SMC1A: variants seen among roughly 807,000 people sequenced by gnomAD.
SMC1A encodes structural maintenance of chromosomes 1A, also known as structural maintenance of chromosomes protein 1A.
Under a neutral mutation model 94.5 loss-of-function variants are expected in SMC1A, and 4 were observed. That is an observed-to-expected ratio of 0.04 (90% CI 0.02 to 0.10). The LOEUF is 0.10. Among genes scored for constraint, SMC1A ranks in the 10% least tolerant of loss-of-function variants. The probability of loss-of-function intolerance (pLI) is 1.00; values close to 1 mark genes in which losing one functional copy is unlikely to be tolerated. For synonymous variants in SMC1A, 345 were observed against 347.7 expected, an observed-to-expected ratio of 0.99 and a Z score of 0.09; for missense variants, 304 against 989.0, an observed-to-expected ratio of 0.31 and a Z score of 9.29.
At chrX:53,391,430 G>A (rs1294054048) in intron 19 of SMC1A, among the ~76,000 whole-genome samples, 7 of 106,492 alleles carry the variant, frequency 6.6e-5, no homozygotes, top group African/African-American at 2.4e-4. Context: ...ACCATCCTAG[G>A]CAACACAGTG....
intron 18 of SMC1A, among the ~76,000 whole-genome samples, chrX:53,395,493 G>A (rs2075647445): frequency 1.8e-5 from 2 of 112,298 alleles, no homozygotes; most frequent in Admixed American, 1.9e-4. Context: ...TAGGATTGGG[G>A]TAATTATGTC....
Position 53,379,576 on chromosome X carries a change from T to G in SMC1A, c.*527A>C. On this transcript the variant is annotated 3_prime_UTR_variant, in exon 25 of 25. Transcript: ENST00000322213. ...ATAAATGAATGAATACACAAATGAGTGAATGAAGGCAGTTTCAGGTAACTG... is the reference window on the plus strand; with the variant it reads ...ATAAATGAATGAATACACAAATGAGGGAATGAAGGCAGTTTCAGGTAACTG... 8.4e-6 allele frequency: 1 copy of G among 118,891 alleles called. No homozygotes were observed. The highest frequency in any genetic ancestry group is 1.8e-5 in the Non-Finnish European group (1 of 56,924). The allele number at this position is 118,891 out of a possible 1,213,427, so 9.8% of individuals were successfully genotyped here.
chrX:53,381,116 A>G, intron 22 of SMC1A, 29 bp from the exon 23 acceptor site: 1 of 922,633 alleles, frequency 1.1e-6, no homozygotes, highest in Non-Finnish European at 1.6e-6. Flanking sequence ...GTGAGCTGAC[A>G]CTGAGGCGGG....
rs1050161406 is a variant in SMC1A, at chrX:53,422,562, C to T, written c.39G>A (p.Lys13=). The T allele has an allele frequency of 2.5e-6, 3 of 1,207,502 alleles. No individual in the cohort carries two copies. Among genetic ancestry groups the T allele is most frequent in the South Asian group, 3.5e-5 (2 of 56,906 alleles). Residue 13 remains lysine (K), a synonymous_variant, in exon 1 of 25, where the codon AAG becomes AAA. Coordinates refer to ENST00000322213, the MANE Select transcript of SMC1A (RefSeq NM_006306.4). ...CGATAATCTGTCGACCCTTGTACGACTTAAAGTTCTCAATCTCAATCAGTT... is the reference window on the plus strand; with the variant it reads ...CGATAATCTGTCGACCCTTGTACGATTTAAAGTTCTCAATCTCAATCAGTT... ...FLKLIEIENF[K]SYKGRQIIGP...
chrX:53,422,154 G>A, intron 1 of SMC1A: 3 of 856,440 alleles, frequency 3.5e-6, no homozygotes, highest in Non-Finnish European at 1.6e-6. Flanking sequence ...CCGGTCCGGC[G>A]GGGAGCCGCG....
At chrX:53,395,564 GA>G (rs2075647627) in intron 18 of SMC1A, among the ~76,000 whole-genome samples, 1 of 111,427 alleles carries the variant, frequency 9.0e-6, no homozygotes, top group Non-Finnish European at 1.9e-5. Context: ...GAATTAAACT[GA>G]AATGCCATTT....
chrX:53,394,863 A>C lies in SMC1A; in HGVS notation c.2888T>G (p.Val963Gly). The C allele has an allele frequency of 8.3e-7, 1 of 1,198,610 alleles. No homozygotes were observed. Among genetic ancestry groups the C allele is most frequent in the Non-Finnish European group, 1.1e-6 (1 of 884,269 alleles). ...EEGSSQGEDS[V>G]SGSQRISSIY... ...ACTGGAAATTCTCTGTGAACCACTC[A>C]CTGAGTCCTCCCCCTGGGAGCTACC... is the stretch of plus-strand genomic sequence containing the variant. Residue 963 changes from valine (V) to glycine (G), a missense_variant, in exon 19 of 25, where the codon GTG (valine) becomes GGG (glycine). Transcript: ENST00000322213.
chrX:53,421,958 G>A (rs1174585084), intron 1 of SMC1A: 1 of 1,210,060 alleles, frequency 8.3e-7, no homozygotes, highest in East Asian at 3.0e-5. Flanking sequence ...GGAGCGCTGG[G>A]TCTGAAATTC....
rs782214830 is a variant in SMC1A, at chrX:53,383,058, T to C, written c.3130+39A>G. 8 of 1,177,997 alleles carry C rather than the reference T, an allele frequency of 6.8e-6. No individual in the cohort carries two copies. In the South Asian group the frequency reaches 9.1e-5, roughly 13 times the overall value. ...GGCCCGTGGCATACCCTTAGCCTCT[T>C]GTCCTCATCGTAGGCCCAAGTAGAA... On this transcript the variant is annotated intron_variant, in intron 20 of 24. Coordinates refer to ENST00000322213, the MANE Select transcript of SMC1A (RefSeq NM_006306.4).
Position 53,414,742 on chromosome X carries a change from T to C in SMC1A, c.411+16A>G. On this transcript the variant is annotated intron_variant, in intron 3 of 24. Transcript: ENST00000322213. The stretch of plus-strand genomic sequence containing the variant: ...TGGCAAAAACCAGATAGCCAATAAC[T>C]GTTAAAAACGCCCACCTGGAAAACG... 1 of 1,103,945 alleles carries C rather than the reference T, an allele frequency of 9.1e-7. No homozygotes were observed. The highest frequency in any genetic ancestry group is 1.3e-6 in the Non-Finnish European group (1 of 797,037). The allele number at this position is 1,103,945 out of a possible 1,213,427, so 91.0% of individuals were successfully genotyped here. A position where few individuals can be genotyped will look rare whatever the true frequency, so the allele number is the denominator to read the frequency against.
At chrX:53,422,372 G>A in intron 1 of SMC1A, 120 bp downstream of exon 1, 2 of 549,530 alleles carry the variant, frequency 3.6e-6, no homozygotes, top group Non-Finnish European at 6.3e-6. Flanking sequence ...CTCTGGACGG[G>A]CAAGGAACCC....
At chrX:53,389,123 T>G (rs1420667161) in intron 19 of SMC1A, among the ~76,000 whole-genome samples, 2 of 109,101 alleles carry the variant, frequency 1.8e-5, no homozygotes, top group Non-Finnish European at 3.8e-5. Context: ...TTTTGTTTTT[T>G]TTTTTTTTGG....
At chrX:53,387,456 A>G (rs1556886583) in intron 19 of SMC1A, among the ~76,000 whole-genome samples, 1 of 112,372 alleles carries the variant, frequency 8.9e-6, no homozygotes, top group Non-Finnish European at 1.9e-5. Flanking sequence ...AAAAATTACA[A>G]TTTCAATTCA....
chrX:53,386,026 T>C (rs2075603174), intron 19 of SMC1A, among the ~76,000 whole-genome samples: 1 of 111,744 alleles, frequency 8.9e-6, no homozygotes, highest in Non-Finnish European at 1.9e-5. Flanking sequence ...TCACTAATAG[T>C]GGGTACATCC....
intron 20 of SMC1A, 107 bp downstream of exon 20, chrX:53,382,990 G>A: frequency 1.2e-6 from 1 of 830,811 alleles, no homozygotes; most frequent in South Asian, 2.2e-5. Flanking sequence ...AGAGTTTTAA[G>A]TAAGAAAACA....
intron 1 of SMC1A, among the ~76,000 whole-genome samples, 198 bp from the exon 2 acceptor site, chrX:53,415,367 T>C (rs2075727681): frequency 9.0e-6 from 1 of 111,093 alleles, no homozygotes; most frequent in Non-Finnish European, 1.9e-5. Flanking sequence ...AAAACAGTCC[T>C]TTTGCAGTTA....
intron 1 of SMC1A, among the ~76,000 whole-genome samples, chrX:53,417,937 T>C (rs1304489253): frequency 8.9e-6 from 1 of 112,287 alleles, no homozygotes; most frequent in Non-Finnish European, 1.9e-5. Context: ...ACGTAAACAG[T>C]GCAGCAGTGA....
chrX:53,382,960 CCTA>C, intron 20 of SMC1A, 134 bp downstream of exon 20: 1 of 661,102 alleles, frequency 1.5e-6, no homozygotes, highest in Non-Finnish European at 2.3e-6. Context: ...TGTAATAACC[CCTA>C]CTGTTTAGGG....
Position 53,399,688 on chromosome X carries a change from C to T in SMC1A, c.2463G>A (p.Leu821=), listed in dbSNP as rs1556888582. The T allele has an allele frequency of 8.3e-7, 1 of 1,208,953 alleles. No individual in the cohort carries two copies. Among genetic ancestry groups the T allele is most frequent in the Admixed American group, 2.2e-5 (1 of 45,932 alleles). Residue 821 remains leucine, a synonymous_variant, in exon 16 of 25, where the codon TTG becomes TTA. Coordinates refer to ENST00000322213, the MANE Select transcript of SMC1A (RefSeq NM_006306.4). ...ENQKTRLGIQ[L]DFEKNQLKED... The stretch of plus-strand genomic sequence containing the variant: ...CCTTCAGTTGGTTCTTTTCAAAATC[C>T]AACTGAATGCCCAAGCGAGTCTTCT...
Sources: gnomAD v4.1 joint callset for allele counts (sites outside exome capture counted in the v4.1 genomes callset) on GRCh38, gnomAD v4.1.1 for gene constraint, MANE v1.5 for transcripts, NCBI Gene and HGNC (gene_info 2026-07-23, HGNC 2026-07-21) for gene names.